The following PAX5 variants were observed in gnomAD, a reference collection of about 807,000 sequenced individuals.
The protein encoded by PAX5 is paired box 5.
PAX5 carries 9 observed loss-of-function variants against 43.7 expected under a neutral mutation model. That is an observed-to-expected ratio of 0.21 (90% CI 0.12 to 0.36). The LOEUF (loss-of-function observed/expected upper bound fraction) is 0.36, where lower values mean the gene tolerates loss of function less well. Among genes scored for constraint, PAX5 ranks in the 10% least tolerant of loss-of-function variants. The pLI is 1.00. For missense variants in PAX5, 383 were observed against 532.7 expected, an observed-to-expected ratio of 0.72 and a Z score of 2.77; for synonymous variants, 228 against 214.3, an observed-to-expected ratio of 1.06 and a Z score of -0.56.
chr9:36,958,399 G>A (rs1564009925), intron 6 of PAX5, among the ~76,000 whole-genome samples: 1 of 152,000 alleles, frequency 6.6e-6, no homozygotes, highest in Non-Finnish European at 1.5e-5. Context: ...TTGACCATCA[G>A]GAAGCTCAGA....
chr9:36,929,271 AAGGAAGGAAGGAAGGAAG>A, intron 6 of PAX5, among the ~76,000 whole-genome samples: 1 of 150,652 alleles, frequency 6.6e-6, no homozygotes, highest in South Asian at 2.1e-4. Context: ...GGAAGGAAGG[AAGGAAGGAAGGAAGGAAG>A]GATGGATGAG....
rs556471553 is a variant in PAX5, at chr9:36,990,682, G to A, written c.604+11966C>T. 6.6e-5 allele frequency among the ~76,000 whole-genome samples: 10 copies of A among 152,378 alleles called. No homozygotes were observed. The South Asian group carries it at 1.5e-3, about 22-fold the overall frequency. On this transcript the variant is annotated intron_variant, in intron 5 of 9. Coordinates refer to ENST00000358127, the MANE Select transcript of PAX5 (RefSeq NM_016734.3). ...ATGGAGAGAAATGAGCAGATTCAAT[G>A]GATATTTAGGACAGAGATGCAGTGA...
At chr9:36,952,748 T>C (rs1302850194) in intron 6 of PAX5, among the ~76,000 whole-genome samples, 1 of 152,202 alleles carries the variant, frequency 6.6e-6, no homozygotes, top group Non-Finnish European at 1.5e-5. Context: ...TACCTTCTAA[T>C]AGAATATTCC....
At chr9:37,033,525 C>T (rs559162752) in intron 1 of PAX5, among the ~76,000 whole-genome samples, 115 of 152,178 alleles carry the variant, frequency 7.6e-4, no homozygotes, top group Non-Finnish European at 1.5e-3. Context: ...AGTAGACACA[C>T]ATTTTGGATA....
intron 6 of PAX5, 87 bp from the exon 7 acceptor site, chr9:36,923,571 A>G: frequency 6.8e-7 from 1 of 1,478,842 alleles, no homozygotes; most frequent in Non-Finnish European, 9.2e-7. Flanking sequence ...CTCAGCCACC[A>G]AGCTGAGTTA....
chr9:37,009,588 G>T (rs528091264), intron 3 of PAX5, among the ~76,000 whole-genome samples: 1 of 152,118 alleles, frequency 6.6e-6, no homozygotes, highest in Admixed American at 6.5e-5. Context: ...CAAAAAAATA[G>T]AAAGAATGAA....
chr9:36,946,481 G>A (rs1832536209), intron 6 of PAX5, among the ~76,000 whole-genome samples: 1 of 152,108 alleles, frequency 6.6e-6, no homozygotes, highest in Non-Finnish European at 1.5e-5. Context: ...TGAAACCTCT[G>A]GAAATTTTGA....
At chr9:36,926,672 G>T (rs1830660841) in intron 6 of PAX5, among the ~76,000 whole-genome samples, 1 of 152,228 alleles carries the variant, frequency 6.6e-6, no homozygotes, top group South Asian at 2.1e-4. Context: ...TTCCTAGATG[G>T]CATCTTCTAG....
intron 7 of PAX5, among the ~76,000 whole-genome samples, chr9:36,908,862 A>C (rs1829025679): frequency 6.6e-6 from 1 of 152,236 alleles, no homozygotes; most frequent in Non-Finnish European, 1.5e-5. Context: ...TATAAATATA[A>C]GGTCAGAAAC....
chr9:36,933,800 G>T (rs1831321943), intron 6 of PAX5, among the ~76,000 whole-genome samples: 1 of 152,180 alleles, frequency 6.6e-6, no homozygotes, highest in South Asian at 2.1e-4. Context: ...AGATGGGGTG[G>T]CAAGGGACCT....
Position 36,837,148 on chromosome 9 carries a change from G to T in PAX5, c.*3412C>A. Reference sequence around the variant, plus strand: ...CACTCCCATGACAGGAGCACAACTCGGTGGAGAGAGAATGGGGCCTGGAGA... The same window carrying T: ...CACTCCCATGACAGGAGCACAACTCTGTGGAGAGAGAATGGGGCCTGGAGA... On this transcript the variant is annotated 3_prime_UTR_variant, in exon 10 of 10. Coordinates refer to ENST00000358127, the MANE Select transcript of PAX5 (RefSeq NM_016734.3). 4.3e-6 allele frequency: 1 copy of T among 233,094 alleles called. No homozygotes were observed. Among genetic ancestry groups the T allele is most frequent in the African/African-American group, 2.2e-5 (1 of 45,424 alleles). The allele number at this position is 233,094 out of a possible 1,614,324, so 14.4% of individuals were successfully genotyped here.
intron 2 of PAX5, among the ~76,000 whole-genome samples, chr9:37,019,555 T>C (rs1839686538): frequency 6.6e-6 from 1 of 152,224 alleles, no homozygotes; most frequent in Non-Finnish European, 1.5e-5. Flanking sequence ...TGAGAGAATT[T>C]CTTGAATTCC....
chr9:37,026,558 C>T (rs116815140), intron 1 of PAX5: 4 of 1,338,230 alleles, frequency 3.0e-6, no homozygotes, highest in Admixed American at 2.2e-5. Context: ...ACGGGTCGTG[C>T]TTACAGTGTA....
At chr9:36,874,840 C>G (rs1383320398) in intron 8 of PAX5, among the ~76,000 whole-genome samples, 1 of 152,214 alleles carries the variant, frequency 6.6e-6, no homozygotes, top group Non-Finnish European at 1.5e-5. Context: ...ACCGCCCTAT[C>G]CAGCCCAGGC....
At chr9:37,006,342 C>T (rs1261922856) in intron 4 of PAX5, 131 bp downstream of exon 4, 1 of 595,132 alleles carries the variant, frequency 1.7e-6, no homozygotes, top group Non-Finnish European at 2.9e-6. Context: ...TGGAGAATGA[C>T]AAAGAAGGCG....
chr9:36,986,919 G>A (rs2282077), intron 5 of PAX5, among the ~76,000 whole-genome samples: 53,883 of 152,134 alleles, frequency 0.35, 10,118 homozygotes, highest in East Asian at 0.61. Context: ...GATGGTGGCC[G>A]GGGTCCCGTC....
At position 37,032,894 on chromosome 9, in the gene PAX5, G is replaced by A. The variant is rs148828457; in HGVS notation, c.46+1092C>T. ...GGACCTAAGCCAGGGAGGCCTGTGC[G>A]CATACAGGCCCTAGAGCTGAATGCC... On this transcript the variant is annotated intron_variant, in intron 1 of 9. Transcript: ENST00000358127. 5.9e-5 allele frequency among the ~76,000 whole-genome samples: 9 copies of A among 152,342 alleles called. 1 individual carries two copies. The highest frequency in any genetic ancestry group is 1.7e-4 in the African/African-American group (7 of 41,582).
At chr9:36,976,313 T>C (rs761086737) in intron 5 of PAX5, among the ~76,000 whole-genome samples, 5 of 152,216 alleles carry the variant, frequency 3.3e-5, no homozygotes, top group Non-Finnish European at 7.3e-5. Context: ...AGAGCTTCTA[T>C]TCTCTGCATG....
At chr9:36,894,160 A>C (rs1277813344) in intron 7 of PAX5, among the ~76,000 whole-genome samples, 1 of 152,144 alleles carries the variant, frequency 6.6e-6, no homozygotes, top group Non-Finnish European at 1.5e-5. Context: ...AAGACGCCTC[A>C]TGTTTCAGAA....
Sources: allele counts gnomAD v4.1 joint callset (sites outside exome capture counted in the v4.1 genomes callset), GRCh38; gene constraint gnomAD v4.1.1; transcripts MANE v1.5; gene names NCBI Gene and HGNC (gene_info 2026-07-23, HGNC 2026-07-21).